RYR1: variants seen among roughly 807,000 people sequenced by gnomAD.
RYR1 encodes central core disease of muscle.
RYR1 carries 342 observed loss-of-function variants against 583.5 expected under a neutral mutation model. The ratio of observed to expected loss-of-function variants is 0.59; its 90% CI spans 0.54 to 0.64. The LOEUF (loss-of-function observed/expected upper bound fraction) is 0.64, where lower values mean the gene tolerates loss of function less well. RYR1 is among the 30% of genes least tolerant of loss of function. The pLI is 0.00. For missense variants in RYR1, 6,032 were observed against 6,917.2 expected, an observed-to-expected ratio of 0.87 and a Z score of 4.54; for synonymous variants, 2,791 against 2,822.5, an observed-to-expected ratio of 0.99 and a Z score of 0.35.
At chr19:38,566,442 CTG>C (rs1235478257) in intron 91 of RYR1, among the ~76,000 whole-genome samples, 1 of 90,646 alleles carries the variant, frequency 1.1e-5, no homozygotes, top group Admixed American at 1.8e-4. Flanking sequence ...GAGCGAGACT[CTG>C]TCTCAAAAAA....
Position 38,446,788 on chromosome 19 carries a change from G to C in RYR1, c.800+20G>C, listed in dbSNP as rs1395628571. 1 of 1,607,746 alleles carries C rather than the reference G, an allele frequency of 6.2e-7. No homozygotes were observed. The highest frequency in any genetic ancestry group is 1.3e-5 in the African/African-American group (1 of 74,906). ...AATCAGGTAGGGCGGGGAAGATGGG[G>C]AGAGACCAGGGAGAGGCTGGGGTCA... On this transcript the variant is annotated intron_variant, in intron 9 of 105. Transcript: ENST00000359596.
chr19:38,528,621 C>T lies in RYR1; in HGVS notation c.10960C>T (p.Leu3654=), dbSNP rs1466562810. 10 of 1,614,032 alleles carry T rather than the reference C, an allele frequency of 6.2e-6. No individual in the cohort carries two copies. The highest frequency in any genetic ancestry group is 2.7e-5 in the African/African-American group (2 of 74,918). The change falls in exon 75 of 106, where the codon CTG becomes TTG. Residue 3654 remains leucine, a synonymous_variant. Coordinates refer to ENST00000359596, the MANE Select transcript of RYR1 (RefSeq NM_000540.3). Reference sequence around the variant, plus strand: ...CAGGCACCGGGCATGTAACATGTTCCTGGAGAGCTACAAGGCTGCATGGAT... The same window carrying T: ...CAGGCACCGGGCATGTAACATGTTCTTGGAGAGCTACAAGGCTGCATGGAT... ...LPTHRACNMF[L]ESYKAAWILT...
intron 101 of RYR1, among the ~76,000 whole-genome samples, chr19:38,583,779 TAC>T (rs752528486): frequency 8.4e-4 from 127 of 152,046 alleles, no homozygotes; most frequent in African/African-American, 2.9e-3. Context: ...AGGCCTGACA[TAC>T]ACACACACCC....
chr19:38,568,219 A>G (rs1973537749), intron 93 of RYR1, among the ~76,000 whole-genome samples: 1 of 152,130 alleles, frequency 6.6e-6, no homozygotes, highest in Admixed American at 6.6e-5. Context: ...AGCTACATTC[A>G]GTGAGGCCAC....
At chr19:38,490,576 C>A in intron 36 of RYR1, 45 bp from the exon 37 acceptor site, 9 of 1,244,282 alleles carry the variant, frequency 7.2e-6, no homozygotes, top group Non-Finnish European at 1.1e-5. Context: ...AGAGTTCCTG[C>A]TTTGGGATCT....
Position 38,504,203 on chromosome 19 carries a change from C to A in RYR1, c.7927-17C>A. 6.2e-7 allele frequency: 1 copy of A among 1,605,598 alleles called. No homozygotes were observed. The highest frequency in any genetic ancestry group is 8.5e-7 in the Non-Finnish European group (1 of 1,176,086). On this transcript the variant is annotated splice_polypyrimidine_tract_variant and intron_variant, in intron 49 of 105. Coordinates refer to ENST00000359596, the MANE Select transcript of RYR1 (RefSeq NM_000540.3). ...GTGCCCCCCTCATTTGTGTGTCCCC[C>A]TCTTGTTCCCACCCAGCTCCTCACC...
intron 28 of RYR1, 63 bp downstream of exon 28, chr19:38,473,834 C>T: frequency 7.9e-7 from 1 of 1,268,176 alleles, no homozygotes; most frequent in Non-Finnish European, 1.1e-6. Context: ...AGTAGGCAAC[C>T]ACAGTAACCT....
chr19:38,504,635 C>A, intron 50 of RYR1, 113 bp from the exon 51 acceptor site: 2 of 1,413,054 alleles, frequency 1.4e-6, no homozygotes, highest in African/African-American at 1.4e-5. Flanking sequence ...GACCATAATT[C>A]AGGTTTGGGG....
intron 1 of RYR1, among the ~76,000 whole-genome samples, chr19:38,434,900 C>G (rs1227866974): frequency 1.3e-5 from 2 of 152,308 alleles, no homozygotes; most frequent in South Asian, 2.1e-4. Context: ...GAATAGGACC[C>G]TGGCGAGCCG....
At chr19:38,518,023 G>A (rs1242433738) in intron 66 of RYR1, among the ~76,000 whole-genome samples, 2 of 152,132 alleles carry the variant, frequency 1.3e-5, no homozygotes, top group Non-Finnish European at 2.9e-5. Context: ...GGAGGCTGAG[G>A]CAGGAGGATC....
At chr19:38,511,523 C>G (rs754004176) in intron 60 of RYR1, 38 bp from the exon 61 acceptor site, 4 of 1,611,710 alleles carry the variant, frequency 2.5e-6, no homozygotes, top group African/African-American at 1.3e-5. Flanking sequence ...TCCTCACTCG[C>G]TGTTTCTCCT....
chr19:38,553,353 A>AT (rs1972746824), intron 89 of RYR1, among the ~76,000 whole-genome samples: 1 of 149,302 alleles, frequency 6.7e-6, no homozygotes, highest in Non-Finnish European at 1.5e-5. Flanking sequence ...AAAAAAAAAA[A>AT]TCAAAATATA....
In RYR1 at chr19:38,548,348, T is replaced by G. The variant is rs765758001; in HGVS notation, c.12210T>G (p.Ile4070Met). 121 of 1,613,986 alleles carry G rather than the reference T, an allele frequency of 7.5e-5. No homozygotes were observed. Among genetic ancestry groups the G allele is most frequent in the Non-Finnish European group, 9.6e-5 (113 of 1,180,020 alleles). ...ACATGTTCCTGAAACTCAAGGACAT[T>G]GTGGGCTCTGAAGCCTTCCAGGACT... The part of the protein sequence containing the change: ...FFDMFLKLKD[I>M]VGSEAFQDYV... The change falls in exon 89 of 106, where the codon ATT becomes ATG. Residue 4070 changes from isoleucine to methionine, a missense_variant. By Grantham distance (10) the Ile-to-Met change is conservative. Coordinates refer to ENST00000359596, the MANE Select transcript of RYR1 (RefSeq NM_000540.3).
At chr19:38,442,143 G>A (rs951097433) in intron 2 of RYR1, among the ~76,000 whole-genome samples, 2 of 150,286 alleles carry the variant, frequency 1.3e-5, no homozygotes, top group African/African-American at 4.9e-5. Context: ...GAGGGAGGAG[G>A]CACAGAAGAG....
At chr19:38,571,706 C>CT (rs1468423864) in intron 94 of RYR1, among the ~76,000 whole-genome samples, 7 of 152,268 alleles carry the variant, frequency 4.6e-5, no homozygotes, top group African/African-American at 1.7e-4. Flanking sequence ...ATATAAAAAG[C>CT]ACTGTGTAAA....
At chr19:38,461,671 A>T (rs1328377379) in intron 20 of RYR1, among the ~76,000 whole-genome samples, 1 of 143,078 alleles carries the variant, frequency 7.0e-6, no homozygotes, top group East Asian at 2.2e-4. Context: ...GGCTGCAGTG[A>T]GCTATGATTG....
rs369610397 is a variant in RYR1, at chr19:38,496,919, C to T, written c.6856C>T (p.Leu2286=). The T allele has an allele frequency of 2.5e-6, 4 of 1,613,478 alleles. No homozygotes were observed. In the African/African-American group the frequency reaches 5.3e-5, roughly 22 times the overall value. ...AAASVIDNNE[L]ALALQEQDLE... ...TGCCTCCGTCATTGACAACAATGAGCTGGCCTTGGCATTGCAGGAGCAGGA... is the reference window on the plus strand; with the variant it reads ...TGCCTCCGTCATTGACAACAATGAGTTGGCCTTGGCATTGCAGGAGCAGGA... The change falls in exon 42 of 106, where the codon CTG becomes TTG. Residue 2286 remains leucine, a synonymous_variant. Coordinates refer to ENST00000359596, the MANE Select transcript of RYR1 (RefSeq NM_000540.3). The surrounding 1 kb of genome is among the most constrained non-coding windows in gnomAD (Gnocchi z 4.8).
chr19:38,481,685 C>T (rs56363218), intron 31 of RYR1, among the ~76,000 whole-genome samples: 13,764 of 152,250 alleles, frequency 0.09, 819 homozygotes, highest in South Asian at 0.2. Flanking sequence ...ACCCTGGAGG[C>T]TGAGGCAGGA....
At chr19:38,563,156 T>A (rs1019563943) in intron 90 of RYR1, among the ~76,000 whole-genome samples, 2 of 152,174 alleles carry the variant, frequency 1.3e-5, no homozygotes, top group Non-Finnish European at 2.9e-5. Context: ...AAACACCCGC[T>A]TCCTTCTGCT....
Sources: gnomAD v4.1 joint callset for allele counts (sites outside exome capture counted in the v4.1 genomes callset) on GRCh38, gnomAD v4.1.1 for gene constraint, Gnocchi (gnomAD v3.1) non-coding constraint, MANE v1.5 for transcripts, NCBI Gene and HGNC (gene_info 2026-07-23, HGNC 2026-07-21) for gene names.